CLNK: variants seen among roughly 807,000 people sequenced by gnomAD.
The protein encoded by CLNK is cytokine dependent hematopoietic cell linker, also known as cytokine-dependent hematopoietic cell linker.
A neutral mutation model predicts 68.6 loss-of-function variants in CLNK; 74 were observed. That is an observed-to-expected ratio of 1.08 (90% CI 0.89 to 1.31). The LOEUF (loss-of-function observed/expected upper bound fraction) is 1.31, where lower values mean the gene tolerates loss of function less well. Among genes scored for constraint, CLNK ranks in the 50% most tolerant of loss-of-function variants. The probability of loss-of-function intolerance (pLI) is 0.00; values close to 1 mark genes in which losing one functional copy is unlikely to be tolerated. For synonymous variants in CLNK, 198 were observed against 172.2 expected, an observed-to-expected ratio of 1.15 and a Z score of -1.17; for missense variants, 553 against 515.3, an observed-to-expected ratio of 1.07 and a Z score of -0.71.
the CLNK span, among the ~76,000 whole-genome samples, chr4:10,723,715 C>T: frequency 6.6e-6 from 1 of 152,084 alleles, no homozygotes; most frequent in Admixed American, 6.6e-5. Context: ...CTACCCCACA[C>T]CATATTACTT....
At chr4:10,636,243 G>C (rs1723082445) in intron 2 of CLNK, among the ~76,000 whole-genome samples, 1 of 152,204 alleles carries the variant, frequency 6.6e-6, no homozygotes, top group South Asian at 2.1e-4. Context: ...GAGTAGGGTG[G>C]GTCTTTAATC....
intron 3 of CLNK, among the ~76,000 whole-genome samples, chr4:10,593,889 G>T (rs6840081): frequency 0.71 from 108,260 of 152,000 alleles, 39,277 homozygotes; most frequent in East Asian, 0.85. Flanking sequence ...TAGCATCGCT[G>T]TCAAGAGTAA....
chr4:10,588,117 G>A (rs1449666048), intron 3 of CLNK, among the ~76,000 whole-genome samples: 2 of 152,176 alleles, frequency 1.3e-5, no homozygotes, highest in Non-Finnish European at 2.9e-5. Flanking sequence ...ATATGTTTTT[G>A]TGATTGTGTA....
intron 2 of CLNK, among the ~76,000 whole-genome samples, chr4:10,637,438 G>GT (rs11396379): frequency 0.22 from 27,132 of 123,980 alleles, 3,619 homozygotes; most frequent in Admixed American, 0.35. Context: ...AATAAAAAAA[G>GT]TTTTTTTTTT....
chr4:10,721,545 TAGGGAAAG>T, the CLNK span, among the ~76,000 whole-genome samples: 2 of 152,246 alleles, frequency 1.3e-5, no homozygotes, highest in Non-Finnish European at 2.9e-5. Context: ...ACACTCCTTA[TAGGGAAAG>T]ATAGGGTAGA....
At chr4:10,607,273 C>T (rs1198379603) in intron 2 of CLNK, among the ~76,000 whole-genome samples, 1 of 152,178 alleles carries the variant, frequency 6.6e-6, no homozygotes, top group African/African-American at 2.4e-5. Context: ...TAGTAGGTTG[C>T]CGTTGCCCCA....
chr4:10,502,710 C>T (rs1334563694), intron 17 of CLNK, among the ~76,000 whole-genome samples: 2 of 151,962 alleles, frequency 1.3e-5, no homozygotes, highest in African/African-American at 2.4e-5. Context: ...CTGAAAGAGA[C>T]ATGGGGCTTT....
intron 2 of CLNK, among the ~76,000 whole-genome samples, chr4:10,611,102 G>T (rs1721998125): frequency 6.6e-6 from 1 of 152,170 alleles, no homozygotes; most frequent in Admixed American, 6.5e-5. Context: ...AACAGATCAT[G>T]AGGTCAGGAG....
At chr4:10,550,941 G>A (rs1167553170) in intron 8 of CLNK, among the ~76,000 whole-genome samples, 1 of 152,180 alleles carries the variant, frequency 6.6e-6, no homozygotes, top group Non-Finnish European at 1.5e-5. Flanking sequence ...TCCACGCAGC[G>A]AATCTGGTGG....
At position 10,564,697 on chromosome 4, in the gene CLNK, A is replaced by C. The variant is rs770838467; in HGVS notation, c.373T>G (p.Trp125Gly). Residue 125 changes from tryptophan (W) to glycine (G), a missense_variant, in exon 7 of 19, where the codon TGG (tryptophan) becomes GGG (glycine). Transcript: ENST00000226951. Reference protein sequence around the residue: ...RTSISIGQPTWNTQTRLERVD... With the variant: ...RTSISIGQPTGNTQTRLERVD... ...CTTTCCAACCTCGTCTGTGTGTTCC[A>C]GGTCGGCTGTCCAATGGAGATAGAG... 2 of 1,613,170 alleles carry C rather than the reference A, an allele frequency of 1.2e-6. No homozygotes were observed. The highest frequency in any genetic ancestry group is 1.7e-6 in the Non-Finnish European group (2 of 1,179,142).
At chr4:10,718,358 G>A in the CLNK span, among the ~76,000 whole-genome samples, 1 of 152,136 alleles carries the variant, frequency 6.6e-6, no homozygotes, top group East Asian at 1.9e-4. Context: ...GTCATTTTCT[G>A]AAAACTAAAG....
At chr4:10,661,540 T>C (rs1031934899) in intron 2 of CLNK, among the ~76,000 whole-genome samples, 3 of 152,224 alleles carry the variant, frequency 2.0e-5, no homozygotes, top group African/African-American at 4.8e-5. Flanking sequence ...TATGGAATGC[T>C]GTTTTAGTGC....
chr4:10,720,048 G>A, the CLNK span, among the ~76,000 whole-genome samples: 4 of 152,006 alleles, frequency 2.6e-5, no homozygotes, highest in African/African-American at 9.7e-5. Context: ...TGTAGGCTAT[G>A]ACTAAAACAA....
Position 10,550,790 on chromosome 4 carries a change from G to T in CLNK, c.445+7617C>A, listed in dbSNP as rs138260458. On this transcript the variant is annotated intron_variant, in intron 8 of 18. Coordinates refer to ENST00000226951, the MANE Select transcript of CLNK (RefSeq NM_052964.4). ...ACAATATTTTTTCTTTCCTTTTCAA[G>T]TTGAGAACTTCCACCTTTTCACTTA... is the stretch of plus-strand genomic sequence containing the variant. Among the ~76,000 whole-genome samples the T allele has an allele frequency of 3.1e-4, 47 of 152,124 alleles. No homozygotes were observed. The East Asian group carries it at 8.5e-3, about 28-fold the overall frequency.
intron 5 of CLNK, among the ~76,000 whole-genome samples, chr4:10,569,312 T>C (rs1241252348): frequency 6.6e-6 from 1 of 151,940 alleles, no homozygotes; most frequent in Non-Finnish European, 1.5e-5. Flanking sequence ...TTAGTGTTCT[T>C]ATAAGAAGAG....
chr4:10,679,514 T>C (rs1013039979), intron 1 of CLNK, among the ~76,000 whole-genome samples: 2 of 152,156 alleles, frequency 1.3e-5, no homozygotes, highest in African/African-American at 4.8e-5. Flanking sequence ...AATTGACAAA[T>C]GGGATCTAAT....
the CLNK span, among the ~76,000 whole-genome samples, chr4:10,720,384 T>A: frequency 6.6e-6 from 1 of 152,032 alleles, no homozygotes; most frequent in African/African-American, 2.4e-5. Flanking sequence ...ATTTAAAGAC[T>A]TCTCAAAACC....
chr4:10,514,329 G>A (rs1345496657), intron 15 of CLNK, among the ~76,000 whole-genome samples: 1 of 152,048 alleles, frequency 6.6e-6, no homozygotes, highest in Non-Finnish European at 1.5e-5. Context: ...ACGTGTGCCT[G>A]TGTCTTTATA....
intron 15 of CLNK, among the ~76,000 whole-genome samples, chr4:10,518,449 T>A (rs1717927285): frequency 6.6e-6 from 1 of 152,128 alleles, no homozygotes. Context: ...ATTTAAAACA[T>A]AATTTTATAG....
Sources: gnomAD v4.1 joint callset for allele counts (sites outside exome capture counted in the v4.1 genomes callset) on GRCh38, gnomAD v4.1.1 for gene constraint, MANE v1.5 for transcripts, NCBI Gene and HGNC (gene_info 2026-07-23, HGNC 2026-07-21) for gene names.